MORN1: variants seen among roughly 807,000 people sequenced by gnomAD.
MORN1 encodes MORN repeat-containing protein 1.
In MORN1, 67 loss-of-function variants were observed where a neutral mutation model predicts 61.9. That is an observed-to-expected ratio of 1.08 (90% CI 0.89 to 1.33). The LOEUF (loss-of-function observed/expected upper bound fraction) is 1.33. Ranked by LOEUF, MORN1 falls within the 40% of genes most tolerant of loss-of-function variation. The pLI is 0.00. For synonymous variants in MORN1, 301 were observed against 292.0 expected (o/e 1.03, Z -0.31); for missense variants, 752 against 691.2 (o/e 1.09, Z -0.99).
At chr1:2,359,684 A>C (rs1569990647) in intron 8 of MORN1, among the ~76,000 whole-genome samples, 1 of 152,088 alleles carries the variant, frequency 6.6e-6, no homozygotes, top group Admixed American at 6.5e-5. Flanking sequence ...GGAGTTTGAG[A>C]CCAGCCTGGC....
rs1375529275 is a variant in MORN1, at chr1:2,337,350, C to T, written c.1037-500G>A. Among the ~76,000 whole-genome samples, 2 of 152,140 alleles carry T rather than the reference C, an allele frequency of 1.3e-5. No homozygotes were observed. The highest frequency in any genetic ancestry group is 1.9e-4 in the East Asian group (1 of 5,184). ...TCTCCACAGGCGTGGAGGGAGACAC[C>T]GAGGGTGGCTGCGAGTCCCTCCACG... On this transcript the variant is annotated intron_variant, in intron 10 of 13. Coordinates refer to ENST00000378531, the MANE Select transcript of MORN1 (RefSeq NM_024848.3). The surrounding 1 kb of genome is among the most constrained non-coding windows in gnomAD (Gnocchi z 5.7).
intron 13 of MORN1, 189 bp downstream of exon 13, chr1:2,323,908 A>T (rs1391823826): frequency 1.0e-6 from 1 of 970,650 alleles, no homozygotes; most frequent in African/African-American, 1.8e-5. Flanking sequence ...CCCAGCCCCC[A>T]AGCCACCAGC....
intron 6 of MORN1, chr1:2,379,184 G>A (rs1642315730): frequency 2.1e-6 from 1 of 470,934 alleles, no homozygotes; most frequent in South Asian, 1.6e-5. Context: ...GGTAGCAGCC[G>A]ATGTCTCCTT....
At chr1:2,329,075 T>A (rs986517722) in intron 12 of MORN1, among the ~76,000 whole-genome samples, 1 of 152,154 alleles carries the variant, frequency 6.6e-6, no homozygotes, top group Non-Finnish European at 1.5e-5. Flanking sequence ...CAGTGGGCGG[T>A]CAGCTTCAGG....
At chr1:2,390,037 G>C in intron 1 of MORN1, 41 bp from the exon 2 acceptor site, 1 of 1,552,020 alleles carries the variant, frequency 6.4e-7, no homozygotes, top group East Asian at 2.2e-5. Flanking sequence ...CACAGACACA[G>C]AGATGAGGGA....
At chr1:2,355,448 C>T (rs1342941226) in intron 10 of MORN1, 3 of 1,550,470 alleles carry the variant, frequency 1.9e-6, no homozygotes, top group South Asian at 1.2e-5. Flanking sequence ...TCGTCTGATC[C>T]TAGAAGAGTG....
chr1:2,372,643 C>A lies in MORN1; in HGVS notation c.635-52G>T. 1.4e-6 allele frequency: 2 copies of A among 1,440,382 alleles called. No homozygotes were observed. Among genetic ancestry groups the A allele is most frequent in the East Asian group, 2.3e-5 (1 of 43,038 alleles). The allele number at this position is 1,440,382 out of a possible 1,614,324, so 89.2% of individuals were successfully genotyped here. A position where few individuals can be genotyped will look rare whatever the true frequency, so the allele number is the denominator to read the frequency against. On this transcript the variant is annotated intron_variant, in intron 7 of 13. Coordinates refer to ENST00000378531, the MANE Select transcript of MORN1 (RefSeq NM_024848.3). The surrounding 1 kb of genome is among the most constrained non-coding windows in gnomAD (Gnocchi z 5.4). ...GCGGTGACTGGCATGGTCCCCCACC[C>A]ACCCCATGGCTGAGTCAGCAGTGGG...
Position 2,357,668 on chromosome 1 carries a change from G to A in MORN1, c.870-70C>T, listed in dbSNP as rs2100304484. ...AACTAGGGTGCAGGCAGACAGCGTG[G>A]CCCACGCCCTGGACCCTGGGACTTG... On this transcript the variant is annotated intron_variant, in intron 9 of 13. Coordinates refer to ENST00000378531, the MANE Select transcript of MORN1 (RefSeq NM_024848.3). This position sits in a 1 kb window ranked among gnomAD's most constrained non-coding sequence, Gnocchi z 6.3. 1 of 1,503,204 alleles carries A rather than the reference G, an allele frequency of 6.7e-7. No homozygotes were observed. Among genetic ancestry groups the A allele is most frequent in the Non-Finnish European group, 8.9e-7 (1 of 1,121,542 alleles). 93.1% of individuals were successfully genotyped at this position (1,503,204 alleles called of 1,614,324 possible).
chr1:2,359,019 C>T (rs528945828), intron 8 of MORN1, among the ~76,000 whole-genome samples: 8 of 152,264 alleles, frequency 5.3e-5, no homozygotes, highest in South Asian at 4.1e-4. Context: ...CTCTAGGCCT[C>T]GGGGACCCCT....
At chr1:2,390,049 G>A (rs371032668) in intron 1 of MORN1, 53 bp from the exon 2 acceptor site, 102 of 1,501,128 alleles carry the variant, frequency 6.8e-5, no homozygotes, top group Non-Finnish European at 9.1e-5. Context: ...GATGAGGGAT[G>A]CTCTCCAGTG....
chr1:2,380,652 C>A (rs563574125), intron 6 of MORN1, among the ~76,000 whole-genome samples: 1 of 152,212 alleles, frequency 6.6e-6, no homozygotes, highest in South Asian at 2.1e-4. Context: ...TCAAGCGATC[C>A]TCCCTCCTCA....
chr1:2,384,871 G>A, intron 6 of MORN1, 107 bp downstream of exon 6: 1 of 914,276 alleles, frequency 1.1e-6, no homozygotes, highest in South Asian at 1.8e-5. Context: ...CGCAGGGCCT[G>A]GCACATGGAG....
In MORN1 at chr1:2,327,235, GAAAC is replaced by G. The variant is rs779956907; in HGVS notation, c.1251-3096_1251-3093del. Reference sequence around the variant, plus strand: ...ACACAGAAACAAACACAGAGACACAGAAACACACAGAAACACACAGAAACACAGA... The same window carrying G: ...ACACAGAAACAAACACAGAGACACAGACACAGAAACACACAGAAACACAGA... On this transcript the variant is annotated intron_variant, in intron 12 of 13. Coordinates refer to ENST00000378531, the MANE Select transcript of MORN1 (RefSeq NM_024848.3). Among the ~76,000 whole-genome samples, 84 of 52,382 alleles carry G rather than the reference GAAAC, an allele frequency of 1.6e-3. 1 individual carries two copies. Among genetic ancestry groups the G allele is most frequent in the Non-Finnish European group, 2.5e-3 (50 of 20,180 alleles). 34.4% of individuals were successfully genotyped at this position (52,382 alleles called of 152,430 possible).
intron 10 of MORN1, 122 bp from the exon 11 acceptor site, chr1:2,336,972 T>C (rs1641294098): frequency 8.5e-7 from 1 of 1,172,394 alleles, no homozygotes; most frequent in East Asian, 3.1e-5. Flanking sequence ...CCAGTCGCGA[T>C]GCCATCTTGG....
chr1:2,333,404 G>A (rs1190393439), intron 12 of MORN1, among the ~76,000 whole-genome samples: 1 of 152,218 alleles, frequency 6.6e-6, no homozygotes, highest in Non-Finnish European at 1.5e-5. Context: ...GACAGCTGGT[G>A]AGTGAGTGAC....
chr1:2,324,693 G>A (rs956207708), intron 12 of MORN1, among the ~76,000 whole-genome samples: 2 of 152,160 alleles, frequency 1.3e-5, no homozygotes, highest in African/African-American at 4.8e-5. Flanking sequence ...AGGGGCCCAG[G>A]GGTCCTGCCG....
intron 1 of MORN1, chr1:2,390,349 G>C (rs1642618507): frequency 1.1e-6 from 1 of 910,390 alleles, no homozygotes; most frequent in Non-Finnish European, 1.3e-6. Context: ...GAGTGAGCCA[G>C]GGGAAGGCAG....
chr1:2,391,430 G>C lies in MORN1; in HGVS notation c.76+28C>G, dbSNP rs749661297. 1.3e-4 allele frequency: 165 copies of C among 1,255,892 alleles called. No individual in the cohort carries two copies. In the African/African-American group the frequency reaches 2.5e-3, roughly 19 times the overall value. The allele number at this position is 1,255,892 out of a possible 1,614,324, so 77.8% of individuals were successfully genotyped here. ...CTGAATGGAGCCCAGGGCAGCCAGCGACCTGTCCCGTGGCCCGCAGTCGTT... is the reference window on the plus strand; with the variant it reads ...CTGAATGGAGCCCAGGGCAGCCAGCCACCTGTCCCGTGGCCCGCAGTCGTT... On this transcript the variant is annotated intron_variant, in intron 1 of 13. Coordinates refer to ENST00000378531, the MANE Select transcript of MORN1 (RefSeq NM_024848.3).
intron 8 of MORN1, among the ~76,000 whole-genome samples, chr1:2,369,622 A>G (rs554425597): frequency 1.3e-5 from 2 of 152,298 alleles, no homozygotes; most frequent in Admixed American, 6.5e-5. Context: ...GTAAAAATCA[A>G]TTGTAGTCTA....
Sources: gnomAD v4.1 joint callset for allele counts (sites outside exome capture counted in the v4.1 genomes callset) on GRCh38, gnomAD v4.1.1 for gene constraint, Gnocchi (gnomAD v3.1) non-coding constraint, MANE v1.5 for transcripts, NCBI Gene and HGNC (gene_info 2026-07-23, HGNC 2026-07-21) for gene names.